The following LPP variants were observed in gnomAD, a reference collection of about 807,000 sequenced individuals.
LPP encodes LIM domain containing preferred translocation partner in lipoma.
In LPP, 38 loss-of-function variants were observed where a neutral mutation model predicts 60.4. The ratio of observed to expected loss-of-function variants is 0.63; its 90% CI spans 0.49 to 0.83. LPP has a LOEUF of 0.83. Ranked by LOEUF, LPP falls within the 40% of genes least tolerant of loss-of-function variation. The pLI is 0.00. For synonymous variants in LPP, 328 were observed against 290.8 expected (o/e 1.13, Z -1.30); for missense variants, 902 against 783.6 (o/e 1.15, Z -1.80).
intron 4 of LPP, among the ~76,000 whole-genome samples, chr3:188,450,216 C>T (rs1262443569): frequency 6.6e-6 from 1 of 152,072 alleles, no homozygotes; most frequent in African/African-American, 2.4e-5. Context: ...TTAGTTTTTT[C>T]TACAGATGAG....
chr3:188,871,485 G>A lies in LPP; in HGVS notation c.1590-1158G>A, dbSNP rs1195823400. Among the ~76,000 whole-genome samples the A allele has an allele frequency of 2.0e-5, 3 of 152,086 alleles. No individual in the cohort carries two copies. In the East Asian group the frequency reaches 5.8e-4, roughly 29 times the overall value. Reference sequence around the variant, plus strand: ...ACAGATGCTTTTTGGGTGCTGCCAGGAAAATTAATTACCTACATATAGAAT... The same window carrying A: ...ACAGATGCTTTTTGGGTGCTGCCAGAAAAATTAATTACCTACATATAGAAT... On this transcript the variant is annotated intron_variant, in intron 10 of 11. Transcript: ENST00000617246.
intron 9 of LPP, among the ~76,000 whole-genome samples, chr3:188,791,876 T>G (rs922251029): frequency 4.6e-5 from 7 of 152,200 alleles, no homozygotes; most frequent in African/African-American, 1.7e-4. Context: ...CCCCATTCCT[T>G]GAGGACAGGG....
chr3:188,804,283 A>ATATATATATATATATATATATATAT (rs1553853277), intron 9 of LPP, among the ~76,000 whole-genome samples: 2 of 126,696 alleles, frequency 1.6e-5, no homozygotes, highest in Non-Finnish European at 3.3e-5. Context: ...ATATATATAT[A>ATATATATATATATATATATATATAT]AAATGGAATA....
chr3:188,357,315 C>T (rs10513827), intron 3 of LPP, among the ~76,000 whole-genome samples: 13,431 of 152,202 alleles, frequency 0.088, 713 homozygotes, highest in East Asian at 0.21. Flanking sequence ...GAAACATCAT[C>T]TCCAAAGTTC....
chr3:188,214,656 C>G (rs2149236181), intron 1 of LPP, among the ~76,000 whole-genome samples: 1 of 152,314 alleles, frequency 6.6e-6, no homozygotes, highest in Admixed American at 6.5e-5. Flanking sequence ...TCCCAGGAAC[C>G]TGTACACAAT....
intron 9 of LPP, among the ~76,000 whole-genome samples, chr3:188,794,786 A>T (rs754984364): frequency 6.6e-6 from 1 of 152,098 alleles, no homozygotes; most frequent in Non-Finnish European, 1.5e-5. Context: ...GATTATGCTC[A>T]GCCCCGGGAA....
intron 5 of LPP, among the ~76,000 whole-genome samples, chr3:188,506,309 A>G (rs1813438564): frequency 6.6e-6 from 1 of 152,166 alleles, no homozygotes; most frequent in African/African-American, 2.4e-5. Context: ...TTTGAGGACT[A>G]ATTAAGATAA....
At chr3:188,695,209 T>A (rs9846404) in intron 7 of LPP, among the ~76,000 whole-genome samples, 28,541 of 152,240 alleles carry the variant, frequency 0.19, 3,357 homozygotes, top group Middle Eastern at 0.38. Context: ...ATACATAAAT[T>A]AATACATAAA....
chr3:188,338,598 A>G (rs1029303455), intron 2 of LPP, among the ~76,000 whole-genome samples: 3 of 152,182 alleles, frequency 2.0e-5, no homozygotes, highest in African/African-American at 7.2e-5. Flanking sequence ...ACAGCACTAA[A>G]ACCAGAACCC....
intron 4 of LPP, among the ~76,000 whole-genome samples, chr3:188,484,204 A>G (rs1221016323): frequency 1.3e-5 from 2 of 152,130 alleles, no homozygotes; most frequent in Non-Finnish European, 2.9e-5. Context: ...ATGCATCTTT[A>G]TAAATTACAC....
At chr3:188,299,450 T>G (rs936579576) in intron 2 of LPP, among the ~76,000 whole-genome samples, 1 of 152,226 alleles carries the variant, frequency 6.6e-6, no homozygotes, top group Non-Finnish European at 1.5e-5. Context: ...AAGCAGCTTT[T>G]GAATCTTCGT....
intron 3 of LPP, among the ~76,000 whole-genome samples, chr3:188,347,809 G>A (rs1467449418): frequency 6.6e-5 from 10 of 152,164 alleles, no homozygotes; most frequent in Non-Finnish European, 5.9e-5. Context: ...GATGGAAGAC[G>A]CCTCGGAGTT....
rs78527569 is a variant in LPP, at chr3:188,200,690, C to A, written c.-189-24715C>A. 4.5e-4 allele frequency among the ~76,000 whole-genome samples: 69 copies of A among 152,170 alleles called. 2 individuals carry two copies. In the East Asian group the frequency reaches 7.2e-3, roughly 16 times the overall value. ...ATCACACACAAGGAAATCTTACTGG[C>A]GGAACCTAATTTACTAGCTTTGAGG... On this transcript the variant is annotated intron_variant, in intron 1 of 11. Coordinates refer to ENST00000617246, the MANE Select transcript of LPP (RefSeq NM_001375462.1).
At chr3:188,371,099 C>T (rs1201268236) in intron 3 of LPP, among the ~76,000 whole-genome samples, 2 of 152,040 alleles carry the variant, frequency 1.3e-5, no homozygotes, top group Non-Finnish European at 2.9e-5. Context: ...CCGACTTTGC[C>T]TTCCTTCTCT....
chr3:188,639,949 A>G (rs1237982817), intron 7 of LPP, among the ~76,000 whole-genome samples: 1 of 152,168 alleles, frequency 6.6e-6, no homozygotes, highest in East Asian at 1.9e-4. Context: ...CCATTGTGGA[A>G]GTCAGTGTGG....
chr3:188,537,091 T>C (rs549246444), intron 6 of LPP, among the ~76,000 whole-genome samples: 5 of 152,338 alleles, frequency 3.3e-5, no homozygotes, highest in Admixed American at 1.3e-4. Flanking sequence ...AATATTAATT[T>C]TAGAGCTTTT....
At chr3:188,384,517 C>T (rs891282964) in intron 3 of LPP, among the ~76,000 whole-genome samples, 18 of 152,028 alleles carry the variant, frequency 1.2e-4, no homozygotes, top group African/African-American at 3.6e-4. Flanking sequence ...GAAGGCTGGG[C>T]GCAGTGGCTC....
chr3:188,865,764 T>C (rs1235129815), intron 9 of LPP, among the ~76,000 whole-genome samples: 2 of 152,138 alleles, frequency 1.3e-5, no homozygotes, highest in Non-Finnish European at 2.9e-5. Context: ...CCAGCTATAA[T>C]AGCAAAGTTG....
At chr3:188,408,664 C>T (rs2148897103) in intron 4 of LPP, among the ~76,000 whole-genome samples, 1 of 152,288 alleles carries the variant, frequency 6.6e-6, no homozygotes, top group Non-Finnish European at 1.5e-5. Flanking sequence ...CTCCTGCTTA[C>T]ATTCTGTCCC....
Sources: gnomAD v4.1 joint callset for allele counts (sites outside exome capture counted in the v4.1 genomes callset) on GRCh38, gnomAD v4.1.1 for gene constraint, MANE v1.5 for transcripts, NCBI Gene and HGNC (gene_info 2026-07-23, HGNC 2026-07-21) for gene names.